The following LMNB1 variants were observed in gnomAD, a reference collection of about 807,000 sequenced individuals.
The protein encoded by LMNB1 is lamin-B1.
Under a neutral mutation model 67.1 loss-of-function variants are expected in LMNB1, and 23 were observed. The ratio of observed to expected loss-of-function variants is 0.34; its 90% confidence interval spans 0.25 to 0.49. The LOEUF (loss-of-function observed/expected upper bound fraction) is 0.49, where lower values mean the gene tolerates loss of function less well. Among genes scored for constraint, LMNB1 ranks in the 20% least tolerant of loss-of-function variants. LMNB1 has a pLI of 0.99. For missense variants in LMNB1, 634 were observed against 746.5 expected (o/e 0.85, Z 1.76); for synonymous variants, 281 against 282.9 (o/e 0.99, Z 0.07).
chr5:126,811,173 A>T (rs1027361872), intron 4 of LMNB1, among the ~76,000 whole-genome samples: 5 of 152,240 alleles, frequency 3.3e-5, no homozygotes, highest in African/African-American at 1.2e-4. Flanking sequence ...ATTGAGCTAT[A>T]CAGTGAAGGA....
intron 1 of LMNB1, among the ~76,000 whole-genome samples, chr5:126,780,105 T>A (rs1561731790): frequency 1.3e-5 from 2 of 151,868 alleles, no homozygotes; most frequent in Admixed American, 6.6e-5. Context: ...GGCAGGAGAA[T>A]CGCTTGATAT....
At chr5:126,779,490 G>A (rs1050790663) in intron 1 of LMNB1, among the ~76,000 whole-genome samples, 10 of 152,188 alleles carry the variant, frequency 6.6e-5, no homozygotes, top group African/African-American at 2.2e-4. Flanking sequence ...CTTAGATATC[G>A]TTGCTTGTAA....
intron 7 of LMNB1, 105 bp downstream of exon 7, chr5:126,821,240 A>G (rs1751861872): frequency 2.8e-6 from 2 of 707,122 alleles, no homozygotes; most frequent in African/African-American, 1.8e-5. Context: ...TTACGTCTTC[A>G]TGGAATAAGG....
intron 3 of LMNB1, among the ~76,000 whole-genome samples, chr5:126,809,761 G>GT (rs1751539794): frequency 2.0e-5 from 3 of 152,194 alleles, no homozygotes; most frequent in Admixed American, 2.0e-4. Flanking sequence ...CAACTGTTAA[G>GT]TTTAACTTTC....
chr5:126,801,915 T>C (rs1430789464), intron 1 of LMNB1, among the ~76,000 whole-genome samples: 1 of 152,228 alleles, frequency 6.6e-6, no homozygotes. Context: ...ATTTAAAATA[T>C]GGTTTTATTT....
intron 9 of LMNB1, among the ~76,000 whole-genome samples, chr5:126,832,018 C>A (rs1326078035): frequency 1.3e-5 from 2 of 152,136 alleles, no homozygotes; most frequent in Non-Finnish European, 2.9e-5. Flanking sequence ...GTAATCCCAG[C>A]ACTTTGGGAG....
chr5:126,809,086 G>A (rs1304292590), intron 3 of LMNB1, among the ~76,000 whole-genome samples: 1 of 152,084 alleles, frequency 6.6e-6, no homozygotes. Flanking sequence ...TATTGGCCAG[G>A]CTGGTCTTGA....
intron 9 of LMNB1, among the ~76,000 whole-genome samples, chr5:126,826,676 A>T (rs560567027): frequency 1.3e-5 from 2 of 152,300 alleles, no homozygotes; most frequent in African/African-American, 4.8e-5. Flanking sequence ...GACACTGCAT[A>T]TACCCCTACC....
chr5:126,799,275 C>G lies in LMNB1; in HGVS notation c.360-5501C>G, dbSNP rs370740882. Among the ~76,000 whole-genome samples, 214 of 152,280 alleles carry G rather than the reference C, an allele frequency of 1.4e-3. 1 individual carries two copies. Among genetic ancestry groups the G allele is most frequent in the African/African-American group, 4.6e-3 (192 of 41,568 alleles). ...CCTCGTGATCCGCCTGCCTCCCAAACTGCTGGGATTACAGGCGTGAGCCAC... is the reference window on the plus strand; with the variant it reads ...CCTCGTGATCCGCCTGCCTCCCAAAGTGCTGGGATTACAGGCGTGAGCCAC... On this transcript the variant is annotated intron_variant, in intron 1 of 10. Coordinates refer to ENST00000261366, the MANE Select transcript of LMNB1 (RefSeq NM_005573.4).
intron 9 of LMNB1, among the ~76,000 whole-genome samples, chr5:126,831,592 A>C (rs1375747184): frequency 6.6e-6 from 1 of 152,168 alleles, no homozygotes; most frequent in East Asian, 1.9e-4. Context: ...TGCTGAAAGG[A>C]ATGAAAGGAG....
intron 5 of LMNB1, among the ~76,000 whole-genome samples, chr5:126,816,885 T>A (rs995018668): frequency 4.6e-5 from 7 of 152,194 alleles, no homozygotes; most frequent in African/African-American, 1.7e-4. Context: ...ATAGTGTTTG[T>A]CAGGTTTCTC....
intron 1 of LMNB1, among the ~76,000 whole-genome samples, chr5:126,779,258 A>G (rs1183543242): frequency 6.6e-6 from 1 of 152,170 alleles, no homozygotes; most frequent in Non-Finnish European, 1.5e-5. Context: ...GTAGCGAAAA[A>G]CGATAACTGC....
intron 5 of LMNB1, among the ~76,000 whole-genome samples, chr5:126,816,277 C>G (rs1017654005): frequency 1.3e-5 from 2 of 152,084 alleles, no homozygotes; most frequent in Non-Finnish European, 2.9e-5. Context: ...CATGTCAAGT[C>G]ATATACTACT....
intron 1 of LMNB1, among the ~76,000 whole-genome samples, chr5:126,787,420 GTGTATATATACATCTTATA>G: frequency 9.0e-6 from 1 of 110,540 alleles, no homozygotes; most frequent in East Asian, 3.4e-4. Context: ...GTGTATGTGT[GTGTATATATACATCTTATA>G]TGTATATGTT....
chr5:126,788,895 TG>T (rs1233167689), intron 1 of LMNB1, among the ~76,000 whole-genome samples: 2 of 88,378 alleles, frequency 2.3e-5, no homozygotes, highest in African/African-American at 3.4e-5. Context: ...AGTTTTTTTT[TG>T]TTTTTTTTGT....
chr5:126,812,013 T>C (rs1039685053), intron 5 of LMNB1, 115 bp downstream of exon 5: 9 of 986,816 alleles, frequency 9.1e-6, no homozygotes, highest in African/African-American at 1.6e-5. Context: ...CAGAGGATGG[T>C]GTCATCCTGT....
At chr5:126,790,223 A>G (rs2112932625) in intron 1 of LMNB1, among the ~76,000 whole-genome samples, 1 of 152,188 alleles carries the variant, frequency 6.6e-6, no homozygotes, top group South Asian at 2.1e-4. Flanking sequence ...CTTGTGCTTC[A>G]GCCTCTCCAG....
chr5:126,833,633 A>G (rs1237482024), intron 10 of LMNB1, among the ~76,000 whole-genome samples: 1 of 152,238 alleles, frequency 6.6e-6, no homozygotes, highest in Non-Finnish European at 1.5e-5. Context: ...CACATATGTT[A>G]CACTTAACTT....
intron 10 of LMNB1, among the ~76,000 whole-genome samples, chr5:126,835,927 T>C (rs1752237438): frequency 6.6e-6 from 1 of 152,144 alleles, no homozygotes; most frequent in South Asian, 2.1e-4. Context: ...ACACCTGTAG[T>C]CGCAGCTGCT....
Sources: gnomAD v4.1 joint callset for allele counts (sites outside exome capture counted in the v4.1 genomes callset) on GRCh38, gnomAD v4.1.1 for gene constraint, MANE v1.5 for transcripts, NCBI Gene and HGNC (gene_info 2026-07-23, HGNC 2026-07-21) for gene names.